AMY2A: variants seen among roughly 807,000 people sequenced by gnomAD.
AMY2A encodes the protein pancreatic alpha-amylase.
A neutral mutation model predicts 43.0 loss-of-function variants in AMY2A; 16 were observed. The ratio of observed to expected loss-of-function variants is 0.37; its 90% CI spans 0.25 to 0.56. AMY2A has a LOEUF of 0.56. Among genes scored for constraint, AMY2A ranks in the 20% least tolerant of loss-of-function variants. The pLI, the probability that AMY2A is intolerant of heterozygous loss-of-function variation, is 0.77. For missense variants in AMY2A, 212 were observed against 456.8 expected, an observed-to-expected ratio of 0.46 and a Z score of 4.89; for synonymous variants, 70 against 144.6, an observed-to-expected ratio of 0.48 and a Z score of 3.70.
At chr1:103,618,779 T>C in intron 2 of AMY2A, 132 bp from the exon 3 acceptor site, 2 of 1,487,588 alleles carry the variant, frequency 1.3e-6, no homozygotes, top group Non-Finnish European at 1.8e-6. Context: ...ATTTTTGATC[T>C]TGTAGGAAAA....
chr1:103,617,878 T>C (rs1356041823), intron 1 of AMY2A, 76 bp from the exon 2 acceptor site: 3 of 1,591,378 alleles, frequency 1.9e-6, no homozygotes, highest in African/African-American at 2.7e-5. Context: ...TTTTATACTA[T>C]TGATTAGTTT....
intron 1 of AMY2A, among the ~76,000 whole-genome samples, 153 bp from the exon 2 acceptor site, chr1:103,617,801 C>T (rs535729815): frequency 6.6e-6 from 1 of 150,588 alleles, no homozygotes; most frequent in South Asian, 2.1e-4. Context: ...TCTTTCTTCA[C>T]CAAGAGCCCT....
upstream of AMY2A, chr1:103,617,048 G>A (rs1257022956): frequency 8.7e-5 from 85 of 978,716 alleles, 2 homozygotes; most frequent in South Asian, 7.3e-4. Flanking sequence ...GAAGGGGTTC[G>A]CATTTATACC....
chr1:103,618,462 G>C (rs1019282689), intron 2 of AMY2A, among the ~76,000 whole-genome samples: 1 of 150,604 alleles, frequency 6.6e-6, no homozygotes, highest in African/African-American at 2.4e-5. Flanking sequence ...CGTAATTCTT[G>C]GGTTTTTCAT....
At chr1:103,617,711 A>G in intron 1 of AMY2A, 103 bp downstream of exon 1, 1 of 1,578,256 alleles carries the variant, frequency 6.3e-7, no homozygotes. Context: ...CTTCACAGGT[A>G]AGTATTCTAA....
intron 2 of AMY2A, among the ~76,000 whole-genome samples, chr1:103,618,380 A>G (rs946877061): frequency 2.7e-5 from 4 of 150,736 alleles, no homozygotes; most frequent in Non-Finnish European, 5.9e-5. Flanking sequence ...TCCCGGAAAC[A>G]ATTTACTGGT....
rs1179541418 is a variant in AMY2A at position 103,619,046 on chromosome 1, T to A, written c.451T>A (p.Phe151Ile). ...AGCAGTCCCATATTCTGGATGGGAT[T>A]TCAATGATGGTAAATGTAAAACTGG... ...FPAVPYSGWD[F>I]NDGKCKTGSG... The change falls in exon 3 of 10, where the codon TTC becomes ATC. Residue 151 changes from phenylalanine to isoleucine, a missense_variant. Around this residue, in one of 2 missense-constraint regions of AMY2A, gnomAD observed 199 missense variants for 210.6 expected, o/e 0.94. Coordinates refer to ENST00000414303, the MANE Select transcript of AMY2A (RefSeq NM_000699.4). 3 of 1,299,272 alleles carry A rather than the reference T, an allele frequency of 2.3e-6. No homozygotes were observed. Among genetic ancestry groups the A allele is most frequent in the Non-Finnish European group, 3.1e-6 (3 of 963,220 alleles). The allele number at this position is 1,299,272 out of a possible 1,614,324, so 80.5% of individuals were successfully genotyped here.
chr1:103,617,836 G>T, intron 1 of AMY2A, 118 bp from the exon 2 acceptor site: 1 of 1,548,374 alleles, frequency 6.5e-7, no homozygotes, highest in Non-Finnish European at 8.7e-7. Flanking sequence ...ATATTTTCAA[G>T]AGATAGCTGC....
At chr1:103,617,236 T>C, upstream of AMY2A, 1 of 1,187,070 alleles carries the variant, frequency 8.4e-7, no homozygotes, top group Non-Finnish European at 1.2e-6. Flanking sequence ...AAAACATTAA[T>C]ATCTAAAAGG....
upstream of AMY2A, chr1:103,617,380 A>G: frequency 6.4e-7 from 1 of 1,560,872 alleles, no homozygotes. Context: ...ACTTTGTAAA[A>G]TGTGCTTCTT....
At chr1:103,618,734 G>C (rs1433880170) in intron 2 of AMY2A, among the ~76,000 whole-genome samples, 177 bp from the exon 3 acceptor site, 5 of 150,606 alleles carry the variant, frequency 3.3e-5, no homozygotes, top group Admixed American at 2.6e-4. Flanking sequence ...AAGGCATGTA[G>C]GTGTTTAGTT....
rs1022744645 is a variant in AMY2A, at chr1:103,617,746, T to G, written c.168+138T>G. ...AGTAAAAGAGATTTCTGAGGGAAAA[T>G]CTATGTAGTATTCTTGGCAACTTTA... On this transcript the variant is annotated intron_variant, in intron 1 of 9. Transcript: ENST00000414303. 4.5e-6 allele frequency: 7 copies of G among 1,549,302 alleles called. No individual in the cohort carries two copies. In the African/African-American group the frequency reaches 9.6e-5, roughly 21 times the overall value.
upstream of AMY2A, chr1:103,617,348 G>A (rs41301287): frequency 8.1e-3 from 12,499 of 1,547,956 alleles, 848 homozygotes; most frequent in Non-Finnish European, 9.7e-3. Flanking sequence ...TTGCCCTCAA[G>A]TATTTATTCA....
chr1:103,617,740 G>T, intron 1 of AMY2A, 132 bp downstream of exon 1: 1 of 1,552,868 alleles, frequency 6.4e-7, no homozygotes, highest in Non-Finnish European at 8.7e-7. Flanking sequence ...GATTTCTGAG[G>T]GAAAATCTAT....
upstream of AMY2A, chr1:103,616,942 T>G: frequency 9.9e-7 from 1 of 1,005,448 alleles, no homozygotes; most frequent in Non-Finnish European, 1.2e-6. Context: ...CCTGTCAGTC[T>G]GTCAGGGTTG....
Sources: allele counts gnomAD v4.1 joint callset (sites outside exome capture counted in the v4.1 genomes callset), GRCh38; gene constraint gnomAD v4.1.1; regional missense constraint gnomAD v4.1.1; transcripts MANE v1.5; gene names NCBI Gene and HGNC (gene_info 2026-07-23, HGNC 2026-07-21).